GALNT7: variants seen among roughly 807,000 people sequenced by gnomAD.
GALNT7 encodes the protein N-acetylgalactosaminyltransferase 7.
GALNT7 carries 60 observed loss-of-function variants against 82.1 expected under a neutral mutation model. The ratio of observed to expected loss-of-function variants is 0.73; its 90% confidence interval spans 0.59 to 0.91. The LOEUF is 0.91. Ranked by LOEUF, GALNT7 falls within the 40% of genes least tolerant of loss-of-function variation. The pLI is 0.00. For missense variants in GALNT7, 660 were observed against 804.2 expected, an observed-to-expected ratio of 0.82 and a Z score of 2.17; for synonymous variants, 243 against 275.1, an observed-to-expected ratio of 0.88 and a Z score of 1.15.
chr4:173,239,871 T>C (rs1177866718), intron 1 of GALNT7, among the ~76,000 whole-genome samples: 2 of 152,232 alleles, frequency 1.3e-5, no homozygotes, highest in Non-Finnish European at 2.9e-5. Context: ...AGCATAACTT[T>C]AGTAAATTTG....
chr4:173,317,489 A>T, intron 9 of GALNT7, 145 bp from the exon 10 acceptor site: 1 of 597,666 alleles, frequency 1.7e-6, no homozygotes, highest in Non-Finnish European at 3.0e-6. Context: ...GTAAAGATTG[A>T]CAATCCAGTA....
At chr4:173,311,389 T>C (rs1445498728) in intron 8 of GALNT7, among the ~76,000 whole-genome samples, 3 of 152,242 alleles carry the variant, frequency 2.0e-5, no homozygotes, top group African/African-American at 7.2e-5. Context: ...GCTATAAAGA[T>C]ATACTTGAGA....
intron 3 of GALNT7, among the ~76,000 whole-genome samples, chr4:173,295,161 C>A (rs1736674946): frequency 6.6e-6 from 1 of 152,178 alleles, no homozygotes; most frequent in Non-Finnish European, 1.5e-5. Flanking sequence ...TTCGAATAAT[C>A]ATTGTTTAGA....
intron 6 of GALNT7, 140 bp downstream of exon 6, chr4:173,298,437 C>G (rs1736801676): frequency 3.3e-6 from 2 of 610,466 alleles, no homozygotes; most frequent in Non-Finnish European, 5.5e-6. Flanking sequence ...TACACTGTTT[C>G]AGAGCTTTCA....
At chr4:173,250,398 T>G (rs1734804734) in intron 2 of GALNT7, among the ~76,000 whole-genome samples, 1 of 152,186 alleles carries the variant, frequency 6.6e-6, no homozygotes, top group African/African-American at 2.4e-5. Context: ...TGTACAAGGC[T>G]TAAAGCAGGG....
At chr4:173,180,079 G>A (rs1732194144) in intron 1 of GALNT7, among the ~76,000 whole-genome samples, 1 of 152,118 alleles carries the variant, frequency 6.6e-6, no homozygotes, top group Non-Finnish European at 1.5e-5. Flanking sequence ...TCTGAGTAAT[G>A]ATATTTAGAA....
intron 1 of GALNT7, among the ~76,000 whole-genome samples, chr4:173,177,727 C>T (rs1390436584): frequency 6.6e-6 from 1 of 152,122 alleles, no homozygotes; most frequent in Non-Finnish European, 1.5e-5. Context: ...GCTGTGGAAG[C>T]ATTACCTGCC....
At chr4:173,230,121 A>G (rs895529389) in intron 1 of GALNT7, among the ~76,000 whole-genome samples, 2 of 152,332 alleles carry the variant, frequency 1.3e-5, no homozygotes, top group East Asian at 1.9e-4. Flanking sequence ...AAACTGAGAT[A>G]TTCAGTGAGA....
At chr4:173,193,305 T>C (rs1732680722) in intron 1 of GALNT7, among the ~76,000 whole-genome samples, 1 of 152,228 alleles carries the variant, frequency 6.6e-6, no homozygotes, top group African/African-American at 2.4e-5. Context: ...TAAATCATTC[T>C]AGAGTAACAT....
At chr4:173,169,321 G>C (rs1731763338) in intron 1 of GALNT7, 1 of 149,830 alleles carries the variant, frequency 6.7e-6, no homozygotes, top group African/African-American at 2.4e-5. Flanking sequence ...GTCCCGCTCT[G>C]GGGGGCCGGG....
chr4:173,309,039 T>C (rs983502417), intron 8 of GALNT7, among the ~76,000 whole-genome samples: 8 of 152,364 alleles, frequency 5.3e-5, no homozygotes, highest in African/African-American at 1.9e-4. Context: ...AGAACTAGGA[T>C]TGATAATCTA....
chr4:173,304,224 G>A lies in GALNT7; in HGVS notation c.1389+106G>A, dbSNP rs181188088. ...AGCTTATTGAGTGGGCTCTTCAGCA[G>A]TCATGTTGATTCTCACCTTTAACTT... On this transcript the variant is annotated intron_variant, in intron 8 of 11. Transcript: ENST00000265000. 3.5e-5 allele frequency: 30 copies of A among 857,792 alleles called. No homozygotes were observed. In the African/African-American group the frequency reaches 4.6e-4, roughly 13 times the overall value. 53.1% of individuals were successfully genotyped at this position (857,792 alleles called of 1,614,324 possible).
intron 8 of GALNT7, among the ~76,000 whole-genome samples, chr4:173,304,883 A>G (rs1737090497): frequency 6.6e-6 from 1 of 152,174 alleles, no homozygotes; most frequent in African/African-American, 2.4e-5. Flanking sequence ...TATTAATACC[A>G]TCATGTATAT....
intron 1 of GALNT7, among the ~76,000 whole-genome samples, chr4:173,186,327 A>G (rs1732460143): frequency 6.6e-6 from 1 of 152,204 alleles, no homozygotes; most frequent in African/African-American, 2.4e-5. Context: ...GTACACATGG[A>G]CTCTGACATG....
intron 1 of GALNT7, among the ~76,000 whole-genome samples, chr4:173,177,388 T>G (rs1212194645): frequency 1.3e-5 from 2 of 152,088 alleles, no homozygotes; most frequent in Admixed American, 1.3e-4. Context: ...CTTAACCAGG[T>G]CGATGGAGCT....
intron 2 of GALNT7, among the ~76,000 whole-genome samples, chr4:173,275,500 G>A (rs1001575931): frequency 6.6e-6 from 1 of 152,210 alleles, no homozygotes; most frequent in South Asian, 2.1e-4. Context: ...GCTTTTCAGT[G>A]AGCTGTGGGT....
chr4:173,206,647 G>A (rs918000396), intron 1 of GALNT7, among the ~76,000 whole-genome samples: 3 of 152,312 alleles, frequency 2.0e-5, no homozygotes, highest in South Asian at 2.1e-4. Flanking sequence ...TAGATTCTGC[G>A]AGATTTTTCT....
intron 1 of GALNT7, among the ~76,000 whole-genome samples, chr4:173,215,029 T>C (rs1733395859): frequency 6.6e-6 from 1 of 152,174 alleles, no homozygotes; most frequent in African/African-American, 2.4e-5. Context: ...AATCCTATCA[T>C]GATCCCCTGC....
chr4:173,216,706 C>CATATATATATATATATATATATATATAT (rs202210734), intron 1 of GALNT7, among the ~76,000 whole-genome samples: 1 of 56,972 alleles, frequency 1.8e-5, no homozygotes, highest in African/African-American at 9.7e-5. Context: ...GTGTACTATT[C>CATATATATATATATATATATATATATAT]ATATATATAT....
Sources: gnomAD v4.1 joint callset for allele counts (sites outside exome capture counted in the v4.1 genomes callset) on GRCh38, gnomAD v4.1.1 for gene constraint, MANE v1.5 for transcripts, NCBI Gene and HGNC (gene_info 2026-07-23, HGNC 2026-07-21) for gene names.